Variants in CIROZ observed in about 807,000 individuals in gnomAD.
The protein encoded by CIROZ is ciliated left-right organizer ZP-N domains-containing protein.
chr1:10,964,149 G>A, the CIROZ span: 1 of 1,613,962 alleles, frequency 6.2e-7, no homozygotes, highest in Non-Finnish European at 8.5e-7. Context: ...TGGGCCCACA[G>A]TGGACGCTTT....
chr1:10,965,388 G>C, the CIROZ span, among the ~76,000 whole-genome samples: 1 of 152,180 alleles, frequency 6.6e-6, no homozygotes, highest in Non-Finnish European at 1.5e-5. Flanking sequence ...GAGCCAAACT[G>C]TGCGGCTGGT....
At chr1:10,953,757 AC>A in the CIROZ span, among the ~76,000 whole-genome samples, 1 of 152,014 alleles carries the variant, frequency 6.6e-6, no homozygotes, top group African/African-American at 2.4e-5. Context: ...AAATGGATGC[AC>A]CCCCATCCGC....
At chr1:10,966,693 C>A in the CIROZ span, among the ~76,000 whole-genome samples, 1 of 152,176 alleles carries the variant, frequency 6.6e-6, no homozygotes, top group East Asian at 1.9e-4. Flanking sequence ...TATCCAGAAT[C>A]CAACCCCATC....
chr1:10,970,044 T>C, the CIROZ span: 22 of 1,535,992 alleles, frequency 1.4e-5, no homozygotes, highest in Admixed American at 5.9e-5. Context: ...CAGGGTCATG[T>C]AGTCTGAGAA....
the CIROZ span, among the ~76,000 whole-genome samples, chr1:10,972,254 TC>T: frequency 6.6e-6 from 1 of 152,128 alleles, no homozygotes; most frequent in Non-Finnish European, 1.5e-5. Context: ...TTAAATATAC[TC>T]CAAGCTGGGC....
At chr1:10,976,337 C>CT in the CIROZ span, 83,176 of 689,558 alleles carry the variant, frequency 0.12, 1 homozygote, top group East Asian at 0.14. Flanking sequence ...CATTATATTT[C>CT]TTTTTTTTTT....
At chr1:10,966,582 T>C in the CIROZ span, 14 of 1,291,658 alleles carry the variant, frequency 1.1e-5, no homozygotes, top group Non-Finnish European at 1.2e-5. Flanking sequence ...CTGCTCCGCC[T>C]GGAAGCTTCT....
At chr1:10,972,163 C>T in the CIROZ span, among the ~76,000 whole-genome samples, 8 of 152,298 alleles carry the variant, frequency 5.3e-5, no homozygotes, top group East Asian at 3.9e-4. Context: ...TGAGATTGTT[C>T]AGCCCCAGGA....
chr1:10,977,289 G>C, the CIROZ span, among the ~76,000 whole-genome samples: 22 of 152,174 alleles, frequency 1.4e-4, no homozygotes, highest in African/African-American at 5.1e-4. Flanking sequence ...TTCAAGACCA[G>C]CCTGGCCAAC....
At chr1:10,960,751 T>C in the CIROZ span, among the ~76,000 whole-genome samples, 2 of 152,240 alleles carry the variant, frequency 1.3e-5, no homozygotes, top group African/African-American at 4.8e-5. This position sits in a 1 kb window ranked among gnomAD's most constrained non-coding sequence, Gnocchi z 4.6. Context: ...TAAATATCTA[T>C]GTGCCCTGTG....
At chr1:10,973,964 C>A in the CIROZ span, among the ~76,000 whole-genome samples, 53 of 151,944 alleles carry the variant, frequency 3.5e-4, no homozygotes, top group Admixed American at 9.8e-4. Flanking sequence ...GGACCCCCCC[C>A]ACCAAGTCTC....
chr1:10,952,090 C>G, the CIROZ span, among the ~76,000 whole-genome samples: 3 of 152,108 alleles, frequency 2.0e-5, no homozygotes, highest in Admixed American at 2.0e-4. Flanking sequence ...CAAGATAAGG[C>G]CTGTCAAGAA....
chr1:10,956,272 G>A, the CIROZ span, among the ~76,000 whole-genome samples: 1 of 152,102 alleles, frequency 6.6e-6, no homozygotes, highest in East Asian at 1.9e-4. Context: ...CCAGGGCAAC[G>A]GTGTCACTCC....
chr1:10,955,860 AAAG>A, the CIROZ span, among the ~76,000 whole-genome samples: 2 of 149,740 alleles, frequency 1.3e-5, no homozygotes, highest in East Asian at 1.9e-4. Context: ...AAAAAAAAAA[AAAG>A]AAAGAAATAC....
the CIROZ span, chr1:10,964,326 A>G: frequency 6.5e-7 from 1 of 1,536,244 alleles, no homozygotes; most frequent in Non-Finnish European, 8.8e-7. Flanking sequence ...TACAGTTAAT[A>G]GCCTGCAATT....
chr1:10,980,116 T>C, the CIROZ span, among the ~76,000 whole-genome samples: 1 of 152,216 alleles, frequency 6.6e-6, no homozygotes, highest in Admixed American at 6.5e-5. Context: ...GGTGCTGCAT[T>C]TCCTTCTAGG....
chr1:10,960,862 T>C, the CIROZ span, among the ~76,000 whole-genome samples: 4 of 150,284 alleles, frequency 2.7e-5, no homozygotes, highest in South Asian at 8.5e-4. The surrounding 1 kb of genome is among the most constrained non-coding windows in gnomAD (Gnocchi z 4.6). Flanking sequence ...GCTGCAGAAG[T>C]CACCAGGAAT....
chr1:10,947,819 G>A, the CIROZ span: 1 of 1,599,952 alleles, frequency 6.3e-7, no homozygotes, highest in Admixed American at 1.7e-5. Flanking sequence ...CCACCAGGCT[G>A]GGTAGCAACA....
At chr1:10,970,594 A>G in the CIROZ span, among the ~76,000 whole-genome samples, 11 of 152,118 alleles carry the variant, frequency 7.2e-5, no homozygotes, top group South Asian at 2.1e-4. Context: ...ACACCACTGC[A>G]CTCCAGCCTG....
Sources: gnomAD v4.1 joint callset for allele counts (sites outside exome capture counted in the v4.1 genomes callset) on GRCh38, gnomAD v4.1.1 for gene constraint, Gnocchi (gnomAD v3.1) non-coding constraint, MANE v1.5 for transcripts, NCBI Gene and HGNC (gene_info 2026-07-23, HGNC 2026-07-21) for gene names.